The following CFAP57 variants were observed in gnomAD, a reference collection of about 807,000 sequenced individuals.
The protein encoded by CFAP57 is cilia and flagella associated protein 57, also known as cilia- and flagella-associated protein 57.
Under a neutral mutation model 146.8 loss-of-function variants are expected in CFAP57, and 116 were observed. The ratio of observed to expected loss-of-function variants is 0.79; its 90% CI spans 0.68 to 0.92. CFAP57 has a LOEUF of 0.92. Ranked by LOEUF, CFAP57 falls within the 40% of genes least tolerant of loss-of-function variation. The probability of loss-of-function intolerance (pLI) is 0.00; values close to 1 mark genes in which losing one functional copy is unlikely to be tolerated. For synonymous variants in CFAP57, 518 were observed against 552.8 expected, an observed-to-expected ratio of 0.94 and a Z score of 0.88; for missense variants, 1,377 against 1,527.2, an observed-to-expected ratio of 0.90 and a Z score of 1.64.
intron 6 of CFAP57, 82 bp downstream of exon 6, chr1:43,186,941 AT>A: frequency 1.3e-6 from 2 of 1,551,496 alleles, no homozygotes; most frequent in Non-Finnish European, 1.8e-6. Flanking sequence ...GCAAATTTTA[AT>A]CCAAATAAGT....
At chr1:43,251,446 G>A (rs534174056) in intron 22 of CFAP57, among the ~76,000 whole-genome samples, 1 of 152,184 alleles carries the variant, frequency 6.6e-6, no homozygotes, top group Non-Finnish European at 1.5e-5. Context: ...TCCTTTTTAA[G>A]GAGCCTGAAG....
intron 10 of CFAP57, among the ~76,000 whole-genome samples, chr1:43,208,740 A>C (rs1413744581): frequency 6.6e-6 from 1 of 152,162 alleles, no homozygotes; most frequent in African/African-American, 2.4e-5. Context: ...ACATGTATAC[A>C]TATGTAACAA....
In CFAP57 at chr1:43,222,811, C is replaced by G. The variant is rs1399870421; in HGVS notation, c.2533-13C>G. On this transcript the variant is annotated splice_polypyrimidine_tract_variant and intron_variant, in intron 15 of 22. Transcript: ENST00000372492. ...CTTCTCCCCTGACCACACGCCCACT[C>G]TCTCTGAGCCAGGCACAGGAAGACG... 2.0e-6 allele frequency: 3 copies of G among 1,528,682 alleles called. No individual in the cohort carries two copies. The highest frequency in any genetic ancestry group is 1.8e-6 in the Non-Finnish European group (2 of 1,136,208). 94.7% of individuals were successfully genotyped at this position (1,528,682 alleles called of 1,614,324 possible).
At chr1:43,216,832 C>A (rs1644851793) in intron 12 of CFAP57, among the ~76,000 whole-genome samples, 1 of 152,172 alleles carries the variant, frequency 6.6e-6, no homozygotes, top group South Asian at 2.1e-4. Flanking sequence ...CTAGGATTTA[C>A]AGAGGGGTCT....
rs1369259367 is a variant in CFAP57, at chr1:43,234,603, G to A, written c.3370G>A (p.Glu1124Lys). The A allele has an allele frequency of 7.1e-6, 11 of 1,550,324 alleles. No individual in the cohort carries two copies. The highest frequency in any genetic ancestry group is 1.7e-4 in the Middle Eastern group (1 of 5,996). The change falls in exon 21 of 23, where the codon GAG (glutamate) becomes AAG (lysine). Residue 1124 changes from glutamate (E) to lysine (K), a missense_variant. Glu to Lys is a moderately conservative substitution (Grantham distance 56). Coordinates refer to ENST00000372492, the MANE Select transcript of CFAP57 (RefSeq NM_001378189.1). The part of the protein sequence containing the change: ...TLKKKVVKEG[E>K]LHRTDYVRIM... ...CAAGAAGAAGGTGGTCAAGGAGGGC[G>A]AGCTGCACCGCACAGACTACGTCCG... is the stretch of plus-strand genomic sequence containing the variant.
chr1:43,194,137 A>C (rs1157223275), intron 6 of CFAP57, among the ~76,000 whole-genome samples: 2 of 152,090 alleles, frequency 1.3e-5, no homozygotes, highest in African/African-American at 4.8e-5. Context: ...TATTTTCTGT[A>C]AGTCATATCT....
At chr1:43,231,145 G>T (rs1645450229) in intron 18 of CFAP57, among the ~76,000 whole-genome samples, 1 of 152,132 alleles carries the variant, frequency 6.6e-6, no homozygotes, top group African/African-American at 2.4e-5. Context: ...CCACCTTTAT[G>T]CCAGGCTTTG....
Position 43,215,252 on chromosome 1 carries a change from C to G in CFAP57, c.1930-3C>G. 1 of 1,551,068 alleles carries G rather than the reference C, an allele frequency of 6.4e-7. No homozygotes were observed. Among genetic ancestry groups the G allele is most frequent in the Non-Finnish European group, 8.7e-7 (1 of 1,147,026 alleles). ...TCCTGGCCATGACCCTTTTTCTCTT[C>G]AGATGTTGCTTACCTTTGATGATCA... On this transcript the variant is annotated splice_polypyrimidine_tract_variant and splice_region_variant and intron_variant, in intron 11 of 22. Coordinates refer to ENST00000372492, the MANE Select transcript of CFAP57 (RefSeq NM_001378189.1).
At chr1:43,226,690 T>C (rs1233659857) in intron 17 of CFAP57, among the ~76,000 whole-genome samples, 1 of 152,210 alleles carries the variant, frequency 6.6e-6, no homozygotes, top group Admixed American at 6.5e-5. Context: ...GTAGAACAGC[T>C]GGAGTGTGGG....
intron 2 of CFAP57, among the ~76,000 whole-genome samples, chr1:43,175,243 T>C (rs1266438158): frequency 2.0e-5 from 3 of 152,036 alleles, no homozygotes; most frequent in Non-Finnish European, 4.4e-5. Flanking sequence ...TCTATACACA[T>C]ACACCATATA....
At position 43,254,052 on chromosome 1, in the gene CFAP57, A is replaced by G. The variant is rs1409097023; in HGVS notation, c.3614A>G (p.Glu1205Gly). Residue 1205 changes from glutamate (E) to glycine (G), a missense_variant, in exon 23 of 23, where the codon GAA becomes GGA. By Grantham distance (98) the Glu-to-Gly change is moderately conservative. Coordinates refer to ENST00000372492, the MANE Select transcript of CFAP57 (RefSeq NM_001378189.1). ...NEQEETGRII[E>G]MQRLEIQRLR... ...CAAGAAGAAACTGGGAGGATCATTG[A>G]AATGCAGCGCCTAGAAATCCAGCGC... The G allele has an allele frequency of 6.4e-7, 1 of 1,550,622 alleles. No homozygotes were observed. Among genetic ancestry groups the G allele is most frequent in the Non-Finnish European group, 8.7e-7 (1 of 1,147,008 alleles).
Position 43,172,444 on chromosome 1 carries a change from G to T in CFAP57, c.-29G>T. The stretch of plus-strand genomic sequence containing the variant: ...CATGCGTGGTCTGCTGACCCAGAGA[G>T]AAACGAAAGGTGGGAGGGGGTACCT... On this transcript the variant is annotated 5_prime_UTR_variant, in exon 1 of 23. The change creates a premature stop within an existing upstream ORF in the 5' untranslated region. Transcript: ENST00000372492. 6.5e-7 allele frequency: 1 copy of T among 1,548,142 alleles called. No individual in the cohort carries two copies.
chr1:43,192,849 C>T (rs534308557), intron 6 of CFAP57, among the ~76,000 whole-genome samples: 4 of 152,176 alleles, frequency 2.6e-5, no homozygotes, highest in African/African-American at 9.6e-5. Flanking sequence ...ATTGCTAGAA[C>T]CCGGGAGGTG....
intron 11 of CFAP57, among the ~76,000 whole-genome samples, chr1:43,213,091 T>C (rs1315482287): frequency 1.3e-5 from 2 of 152,112 alleles, no homozygotes; most frequent in South Asian, 2.1e-4. Flanking sequence ...AGGTCAACTT[T>C]TTTTTCTTTT....
rs769843665 is a variant in CFAP57, at chr1:43,192,857, G to T, written c.1123-4696G>T. Among the ~76,000 whole-genome samples, 2 of 152,034 alleles carry T rather than the reference G, an allele frequency of 1.3e-5. 1 individual carries two copies. The highest frequency in any genetic ancestry group is 2.9e-5 in the Non-Finnish European group (2 of 68,010). On this transcript the variant is annotated intron_variant, in intron 6 of 22. Coordinates refer to ENST00000372492, the MANE Select transcript of CFAP57 (RefSeq NM_001378189.1). The stretch of plus-strand genomic sequence containing the variant: ...CAGGAGAATTGCTAGAACCCGGGAG[G>T]TGGAGGTTGCGGTGAGCCGAGATCA...
rs942668115 is a variant in CFAP57 at position 43,229,317 on chromosome 1, T to C, written c.3009+2191T>C. Among the ~76,000 whole-genome samples the C allele has an allele frequency of 8.7e-5, 13 of 149,060 alleles. 1 individual carries two copies. The highest frequency in any genetic ancestry group is 3.2e-4 in the African/African-American group (13 of 40,008). Reference sequence around the variant, plus strand: ...TAACAGGGGCCAACCGTGGCCTTGATGCTCAGCAGGGAATACACTTGCACC... The same window carrying C: ...TAACAGGGGCCAACCGTGGCCTTGACGCTCAGCAGGGAATACACTTGCACC... On this transcript the variant is annotated intron_variant, in intron 18 of 22. Transcript: ENST00000372492.
chr1:43,226,138 G>A (rs551634143), intron 17 of CFAP57, among the ~76,000 whole-genome samples: 36 of 152,284 alleles, frequency 2.4e-4, no homozygotes, highest in African/African-American at 7.5e-4. Context: ...GTGCCACTGC[G>A]CTCTAGCCTG....
intron 2 of CFAP57, among the ~76,000 whole-genome samples, chr1:43,179,553 A>T (rs1341050313): frequency 6.6e-6 from 1 of 152,186 alleles, no homozygotes; most frequent in Non-Finnish European, 1.5e-5. Context: ...AGCTGGACAG[A>T]TGCTATACCA....
intron 13 of CFAP57, among the ~76,000 whole-genome samples, chr1:43,220,870 C>A (rs1183878846): frequency 6.6e-6 from 1 of 151,894 alleles, no homozygotes; most frequent in African/African-American, 2.4e-5. Flanking sequence ...TAATTTTATT[C>A]ATTTAGCCAA....
Sources: gnomAD v4.1 joint callset for allele counts (sites outside exome capture counted in the v4.1 genomes callset) on GRCh38, gnomAD v4.1.1 for gene constraint, MANE v1.5 for transcripts, NCBI Gene and HGNC (gene_info 2026-07-23, HGNC 2026-07-21) for gene names.